Variants in GPR39 observed in about 807,000 individuals in gnomAD.
GPR39 encodes G protein-coupled receptor 39, also known as zinc sensing receptor.
A neutral mutation model predicts 18.4 loss-of-function variants in GPR39; 23 were observed. The observed-to-expected ratio is 1.25, with a 90% confidence interval of 0.90 to 1.77. The LOEUF is 1.77. Among genes scored for constraint, GPR39 ranks in the 40% most tolerant of loss-of-function variants. The pLI, the probability that GPR39 is intolerant of heterozygous loss-of-function variation, is 0.00. For synonymous variants in GPR39, 280 were observed against 257.9 expected (o/e 1.09, Z -0.82); for missense variants, 647 against 602.4 (o/e 1.07, Z -0.78).
At chr2:132,535,386 G>A (rs2104779987) in intron 1 of GPR39, among the ~76,000 whole-genome samples, 1 of 152,266 alleles carries the variant, frequency 6.6e-6, no homozygotes, top group Non-Finnish European at 1.5e-5. Context: ...TGTGTATGTT[G>A]AACCAGCCTT....
intron 1 of GPR39, among the ~76,000 whole-genome samples, chr2:132,451,977 A>G (rs1472122725): frequency 2.6e-5 from 4 of 152,198 alleles, no homozygotes; most frequent in Admixed American, 2.6e-4. Flanking sequence ...TCAAGACATA[A>G]CAAAATGTCT....
intron 1 of GPR39, among the ~76,000 whole-genome samples, chr2:132,483,748 C>T (rs1681279253): frequency 6.6e-6 from 1 of 152,128 alleles, no homozygotes; most frequent in South Asian, 2.1e-4. Flanking sequence ...TCCAGAACTG[C>T]ATTCTCAGCC....
intron 1 of GPR39, among the ~76,000 whole-genome samples, chr2:132,588,917 G>C (rs6711945): frequency 0.044 from 6,672 of 152,124 alleles, 470 homozygotes; most frequent in African/African-American, 0.15. Context: ...GCCTCAAATG[G>C]GGAGATAGAG....
intron 1 of GPR39, among the ~76,000 whole-genome samples, chr2:132,435,718 T>G (rs1680305487): frequency 6.6e-6 from 1 of 151,674 alleles, no homozygotes; most frequent in Non-Finnish European, 1.5e-5. Flanking sequence ...GGCCACAGAC[T>G]TGTAACATTT....
intron 1 of GPR39, among the ~76,000 whole-genome samples, chr2:132,531,169 C>G (rs1423289424): frequency 6.6e-6 from 1 of 151,976 alleles, no homozygotes; most frequent in African/African-American, 2.4e-5. Context: ...ATCTACCAAG[C>G]AAATGGAAAA....
At chr2:132,494,097 G>A (rs1006372801) in intron 1 of GPR39, among the ~76,000 whole-genome samples, 3 of 152,120 alleles carry the variant, frequency 2.0e-5, no homozygotes, top group African/African-American at 7.2e-5. Context: ...AGTAGGGAAA[G>A]CATGTATAGG....
intron 1 of GPR39, among the ~76,000 whole-genome samples, chr2:132,549,883 T>C (rs1680012609): frequency 6.6e-6 from 1 of 152,212 alleles, no homozygotes; most frequent in South Asian, 2.1e-4. Context: ...TGTTAACCTA[T>C]GTTGATGCCA....
At chr2:132,537,006 T>G (rs1184576127) in intron 1 of GPR39, among the ~76,000 whole-genome samples, 1 of 152,216 alleles carries the variant, frequency 6.6e-6, no homozygotes, top group Non-Finnish European at 1.5e-5. Context: ...CACCCGTGGG[T>G]CTTGACTCTT....
At chr2:132,426,504 G>A (rs1047181077) in intron 1 of GPR39, among the ~76,000 whole-genome samples, 6 of 152,208 alleles carry the variant, frequency 3.9e-5, no homozygotes, top group African/African-American at 1.4e-4. Context: ...GCTTTCCAGA[G>A]TCCTCCTCAC....
chr2:132,572,283 G>A (rs1322843723), intron 1 of GPR39, among the ~76,000 whole-genome samples: 6 of 152,104 alleles, frequency 3.9e-5, no homozygotes, highest in Non-Finnish European at 8.8e-5. Flanking sequence ...AGTCATATGG[G>A]CTACCTATTT....
At chr2:132,464,258 C>T (rs1010556652) in intron 1 of GPR39, among the ~76,000 whole-genome samples, 1 of 152,178 alleles carries the variant, frequency 6.6e-6, no homozygotes, top group Non-Finnish European at 1.5e-5. Context: ...TGGGATCATG[C>T]ATATACAGAC....
chr2:132,519,936 A>T (rs1349964109), intron 1 of GPR39, among the ~76,000 whole-genome samples: 1 of 152,136 alleles, frequency 6.6e-6, no homozygotes, highest in East Asian at 1.9e-4. Context: ...ATGGGACCCC[A>T]TCACTCACTG....
rs907721405 is a variant in GPR39, at chr2:132,519,279, G to C, written c.856+101381G>C. 7.5e-5 allele frequency among the ~76,000 whole-genome samples: 9 copies of C among 119,432 alleles called. No individual in the cohort carries two copies. The East Asian group carries it at 1.6e-3, about 21-fold the overall frequency. The allele number at this position is 119,432 out of a possible 152,430, so 78.4% of individuals were successfully genotyped here. ...CAATTGTGGCCTCATAAAAAAAGAA[G>C]GTTGTTTATTATTATTATTATTTGT... On this transcript the variant is annotated intron_variant, in intron 1 of 1. Coordinates refer to ENST00000329321, the MANE Select transcript of GPR39 (RefSeq NM_001508.3).
rs1274043144 is a variant in GPR39 at position 132,533,906 on chromosome 2, A to C, written c.857-111195A>C. 3.9e-5 allele frequency among the ~76,000 whole-genome samples: 6 copies of C among 152,260 alleles called. No individual in the cohort carries two copies. The South Asian group carries it at 6.2e-4, about 16-fold the overall frequency. On this transcript the variant is annotated intron_variant, in intron 1 of 1. Transcript: ENST00000329321. The stretch of plus-strand genomic sequence containing the variant: ...TAAAAACCCTAGAAGAAAACCTACG[A>C]AATACCATTCAGGACATAGGCATGG...
At chr2:132,615,714 G>A (rs1173875074) in intron 1 of GPR39, among the ~76,000 whole-genome samples, 3 of 152,120 alleles carry the variant, frequency 2.0e-5, no homozygotes, top group Admixed American at 6.5e-5. Context: ...CCCTTTAGCC[G>A]TATTTATATT....
chr2:132,522,778 C>G (rs555836616), intron 1 of GPR39, among the ~76,000 whole-genome samples: 1 of 152,340 alleles, frequency 6.6e-6, no homozygotes, highest in South Asian at 2.1e-4. Flanking sequence ...GCCTCCTTCC[C>G]TCTCTCTGAC....
intron 1 of GPR39, among the ~76,000 whole-genome samples, chr2:132,533,169 G>A (rs57505486): frequency 0.11 from 16,079 of 152,126 alleles, 1,010 homozygotes; most frequent in South Asian, 0.23. Context: ...AAATCAATGT[G>A]CAAAAATCAG....
chr2:132,475,008 A>T (rs1681099918), intron 1 of GPR39, among the ~76,000 whole-genome samples: 2 of 151,962 alleles, frequency 1.3e-5, no homozygotes, highest in South Asian at 4.2e-4. Context: ...GTGCCTTCTG[A>T]CCCCTTCTTC....
intron 1 of GPR39, among the ~76,000 whole-genome samples, chr2:132,517,248 A>G (rs1343830205): frequency 1.3e-5 from 2 of 152,156 alleles, no homozygotes; most frequent in African/African-American, 4.8e-5. Context: ...ATATAAACAA[A>G]CTATGAAAGA....
Sources: gnomAD v4.1 joint callset for allele counts (sites outside exome capture counted in the v4.1 genomes callset) on GRCh38, gnomAD v4.1.1 for gene constraint, MANE v1.5 for transcripts, NCBI Gene and HGNC (gene_info 2026-07-23, HGNC 2026-07-21) for gene names.